BBS1: variants seen among roughly 807,000 people sequenced by gnomAD.
The protein encoded by BBS1 is Bardet-Biedl syndrome 1.
A neutral mutation model predicts 73.9 loss-of-function variants in BBS1; 60 were observed. That is an observed-to-expected ratio of 0.81 (90% confidence interval 0.66 to 1.01). BBS1 has a LOEUF of 1.01. Ranked by LOEUF, BBS1 falls within the 50% of genes least tolerant of loss-of-function variation. The pLI, the probability that BBS1 is intolerant of heterozygous loss-of-function variation, is 0.00. For missense variants in BBS1, 718 were observed against 770.3 expected, an observed-to-expected ratio of 0.93 and a Z score of 0.80; for synonymous variants, 283 against 317.4, an observed-to-expected ratio of 0.89 and a Z score of 1.15.
intron 13 of BBS1, among the ~76,000 whole-genome samples, chr11:66,528,211 C>G (rs898293648): frequency 6.6e-6 from 1 of 152,000 alleles, no homozygotes; most frequent in Non-Finnish European, 1.5e-5. Flanking sequence ...AGCCAGACTC[C>G]GTCTCAAAGA....
chr11:66,530,508 C>A (rs1037197706), intron 14 of BBS1, among the ~76,000 whole-genome samples: 1 of 152,130 alleles, frequency 6.6e-6, no homozygotes, highest in Non-Finnish European at 1.5e-5. Flanking sequence ...GTTCTCTTTT[C>A]CTAAAGAGTG....
Position 66,519,746 on chromosome 11 carries a change from A to C in BBS1, c.721A>C (p.Lys241Gln), listed in dbSNP as rs1856142920. 1.9e-6 allele frequency: 3 copies of C among 1,612,958 alleles called. No individual in the cohort carries two copies. ...CCCCGAGGCCTTCACCATTTTAGCC[A>C]AGGTCAGCGTCAGGTCTGGCCCTGG... is the stretch of plus-strand genomic sequence containing the variant. ...LDPEAFTILA[K>Q]MSLPSVPVFL... The change falls in exon 8 of 17, where the codon AAG becomes CAG. Residue 241 changes from lysine (K) to glutamine (Q), a missense_variant and splice_region_variant. Transcript: ENST00000318312.
chr11:66,531,122 G>T, intron 15 of BBS1, 94 bp downstream of exon 15: 1 of 1,539,026 alleles, frequency 6.5e-7, no homozygotes, highest in Non-Finnish European at 8.8e-7. Context: ...CAGGGTCAGA[G>T]CGTGCGGGTG....
At chr11:66,513,463 C>G (rs1855990486) in intron 3 of BBS1, among the ~76,000 whole-genome samples, 1 of 152,116 alleles carries the variant, frequency 6.6e-6, no homozygotes. Flanking sequence ...TACTTAACTT[C>G]TCTAAGACAC....
intron 14 of BBS1, 126 bp from the exon 15 acceptor site, chr11:66,530,768 G>A (rs1396182290): frequency 1.4e-6 from 2 of 1,382,262 alleles, no homozygotes; most frequent in South Asian, 1.2e-5. Context: ...TTCTGTGTCT[G>A]CTGGGAGGCA....
In BBS1 at chr11:66,529,820, C is replaced by T. The variant is rs934613283; in HGVS notation, c.1341C>T (p.Ala447=). Residue 447 remains alanine, a splice_region_variant and synonymous_variant, in exon 14 of 17, where the codon GCC becomes GCT. Coordinates refer to ENST00000318312, the MANE Select transcript of BBS1 (RefSeq NM_024649.5). ...QTLREREAGT[A]MHRAFQTDLY... ...AGCCTCTGGGACCCTTCTCCACAGC[C>T]ATGCACCGGGCCTTCCAGACAGACC... 4.3e-6 allele frequency: 7 copies of T among 1,611,040 alleles called. No homozygotes were observed. The highest frequency in any genetic ancestry group is 5.9e-6 in the Non-Finnish European group (7 of 1,179,998).
intron 11 of BBS1, 81 bp from the exon 12 acceptor site, chr11:66,526,042 C>G: frequency 1.6e-6 from 2 of 1,255,678 alleles, no homozygotes; most frequent in Admixed American, 1.7e-5. Flanking sequence ...CCTATTATAT[C>G]TGGGGCCTCC....
chr11:66,511,289 A>G (rs1358457520), intron 3 of BBS1, 50 bp downstream of exon 3: 1 of 1,598,218 alleles, frequency 6.3e-7, no homozygotes, highest in African/African-American at 1.3e-5. Flanking sequence ...GGGTGTACCC[A>G]GAAATGAGAT....
Position 66,510,671 on chromosome 11 carries a change from G to A in BBS1, c.12G>A (p.Ala4=), listed in dbSNP as rs754161831. 32 of 1,614,166 alleles carry A rather than the reference G, an allele frequency of 2.0e-5. No homozygotes were observed. The South Asian group carries it at 3.3e-4, about 17-fold the overall frequency. The change falls in exon 1 of 17, where the codon GCG becomes GCA. Residue 4 remains alanine, a synonymous_variant. Coordinates refer to ENST00000318312, the MANE Select transcript of BBS1 (RefSeq NM_024649.5). ...CGACGCCTGCGAAGATGGCCGCTGC[G>A]TCCTCATCGGATTCCGACGCCTGCG... MAA[A]SSSDSDACGA...
intron 13 of BBS1, chr11:66,529,526 G>A: frequency 5.6e-6 from 4 of 715,586 alleles, no homozygotes; most frequent in Non-Finnish European, 1.0e-5. Flanking sequence ...GAGGACCATG[G>A]ACCAGACTCA....
At chr11:66,531,215 C>T (rs1486311899) in intron 15 of BBS1, among the ~76,000 whole-genome samples, 187 bp downstream of exon 15, 1 of 152,194 alleles carries the variant, frequency 6.6e-6, no homozygotes, top group East Asian at 1.9e-4. Context: ...GAGCCCCAAG[C>T]CCTGCCTCTG....
At chr11:66,531,557 G>A (rs1014847706) in intron 15 of BBS1, 99 bp from the exon 16 acceptor site, 1 of 1,501,330 alleles carries the variant, frequency 6.7e-7, no homozygotes, top group Non-Finnish European at 9.3e-7. Context: ...CCCTGCAGGG[G>A]TGCTGAGGCT....
At chr11:66,530,149 C>T (rs898482890) in intron 14 of BBS1, among the ~76,000 whole-genome samples, 197 bp downstream of exon 14, 1 of 152,184 alleles carries the variant, frequency 6.6e-6, no homozygotes, top group African/African-American at 2.4e-5. Context: ...TCCCACCCTC[C>T]TGTGCCACCT....
chr11:66,521,351 A>G lies in BBS1; in HGVS notation c.805A>G (p.Asn269Asp), dbSNP rs76245106. The G allele has an allele frequency of 6.2e-7, 1 of 1,614,190 alleles. No homozygotes were observed. Among genetic ancestry groups the G allele is most frequent in the African/African-American group, 1.3e-5 (1 of 75,046 alleles). ...VEFRLAAACR[N>D]GNIYILRRDS... Reference sequence around the variant, plus strand: ...GTTCCGGCTTGCCGCGGCCTGCCGCAATGGAAACATCTATATTCTGAGAAG... The same window carrying G: ...GTTCCGGCTTGCCGCGGCCTGCCGCGATGGAAACATCTATATTCTGAGAAG... The change falls in exon 9 of 17, where the codon AAT (asparagine) becomes GAT (aspartate). Residue 269 changes from asparagine (N) to aspartate (D), a missense_variant. Coordinates refer to ENST00000318312, the MANE Select transcript of BBS1 (RefSeq NM_024649.5).
At chr11:66,525,695 G>A (rs1267453875) in intron 11 of BBS1, among the ~76,000 whole-genome samples, 7 of 152,230 alleles carry the variant, frequency 4.6e-5, no homozygotes, top group Admixed American at 4.6e-4. Flanking sequence ...GTTGAAAGAA[G>A]GGTAAAGAGG....
chr11:66,529,912 T>C lies in BBS1; in HGVS notation c.1433T>C (p.Leu478Pro). Residue 478 changes from leucine (L) to proline (P), a missense_variant, in exon 14 of 17, where the codon CTG becomes CCG. Physicochemically the swap from Leu to Pro is moderately conservative, Grantham distance 98. Coordinates refer to ENST00000318312, the MANE Select transcript of BBS1 (RefSeq NM_024649.5). ...GCCCTCGAGTCCAGCCTGAGCCCCCTGTCCACGACAGCCCGAGAGCCACTC... is the reference window on the plus strand; with the variant it reads ...GCCCTCGAGTCCAGCCTGAGCCCCCCGTCCACGACAGCCCGAGAGCCACTC... ...LQALESSLSP[L>P]STTAREPLKL... 1 of 1,606,616 alleles carries C rather than the reference T, an allele frequency of 6.2e-7. No individual in the cohort carries two copies. The highest frequency in any genetic ancestry group is 1.7e-5 in the Admixed American group (1 of 59,958).
chr11:66,530,280 G>T (rs1326970517), intron 14 of BBS1, among the ~76,000 whole-genome samples: 2 of 152,180 alleles, frequency 1.3e-5, no homozygotes, highest in Admixed American at 1.3e-4. Flanking sequence ...GTACAAGGAA[G>T]AAGGCTGTCA....
Position 66,532,200 on chromosome 11 carries a change from T to A in BBS1, c.*163T>A. 1 of 729,700 alleles carries A rather than the reference T, an allele frequency of 1.4e-6. No homozygotes were observed. The highest frequency in any genetic ancestry group is 2.7e-5 in the East Asian group (1 of 36,756). 45.2% of individuals were successfully genotyped at this position (729,700 alleles called of 1,614,324 possible). ...ACCACCCCCACTGTTGGGCCTATAG[T>A]AGCAGGTTAGTGAGTACCTAGGGCG... is the stretch of plus-strand genomic sequence containing the variant. On this transcript the variant is annotated 3_prime_UTR_variant, in exon 17 of 17. Transcript: ENST00000318312.
chr11:66,529,278 T>A, intron 13 of BBS1: 1 of 1,533,558 alleles, frequency 6.5e-7, no homozygotes, highest in Middle Eastern at 1.9e-4. Flanking sequence ...CCTAGGTGAC[T>A]TGATGGACAG....
Sources: gnomAD v4.1 joint callset for allele counts (sites outside exome capture counted in the v4.1 genomes callset) on GRCh38, gnomAD v4.1.1 for gene constraint, MANE v1.5 for transcripts, NCBI Gene and HGNC (gene_info 2026-07-23, HGNC 2026-07-21) for gene names.